Variants in BCO2 observed in about 807,000 individuals in gnomAD.
BCO2 encodes carotenoid-cleaving dioxygenase, mitochondrial.
BCO2 carries 56 observed loss-of-function variants against 65.8 expected under a neutral mutation model. The ratio of observed to expected loss-of-function variants is 0.85; its 90% CI spans 0.69 to 1.06. The LOEUF is 1.06. Ranked by LOEUF, BCO2 falls within the 50% of genes least tolerant of loss-of-function variation. The pLI is 0.00. For synonymous variants in BCO2, 233 were observed against 242.3 expected, an observed-to-expected ratio of 0.96 and a Z score of 0.36; for missense variants, 675 against 698.5, an observed-to-expected ratio of 0.97 and a Z score of 0.38.
At chr11:112,199,912 A>C in intron 6 of BCO2, 85 bp downstream of exon 6, 1 of 1,494,760 alleles carries the variant, frequency 6.7e-7, no homozygotes, top group Non-Finnish European at 9.2e-7. Context: ...ATGTTATGTT[A>C]ATAGTTTATC....
chr11:112,197,174 A>G (rs373018494), intron 5 of BCO2, among the ~76,000 whole-genome samples: 2 of 152,286 alleles, frequency 1.3e-5, no homozygotes, highest in East Asian at 3.9e-4. Context: ...CTCAGGAGAT[A>G]CTAACTCCAT....
chr11:112,175,967 A>G, intron 1 of BCO2: 1 of 322,988 alleles, frequency 3.1e-6, no homozygotes, highest in African/African-American at 2.1e-5. Flanking sequence ...TTGCAATAAG[A>G]AGAATATTCA....
At chr11:112,183,254 C>A (rs1333343878) in intron 2 of BCO2, 9 of 735,244 alleles carry the variant, frequency 1.2e-5, no homozygotes, top group Non-Finnish European at 2.2e-5. Context: ...ACTTTTCTTT[C>A]TCCATCCACT....
At chr11:112,204,312 A>G (rs898588473) in intron 8 of BCO2, among the ~76,000 whole-genome samples, 4 of 152,252 alleles carry the variant, frequency 2.6e-5, no homozygotes, top group Admixed American at 2.0e-4. Flanking sequence ...TCATCTGTCA[A>G]TGGGTATTTA....
chr11:112,181,610 T>C, intron 2 of BCO2: 1 of 766,688 alleles, frequency 1.3e-6, no homozygotes, highest in South Asian at 1.3e-5. Flanking sequence ...TTTTTTGGTA[T>C]TGACTCATTG....
At chr11:112,175,874 C>A in intron 1 of BCO2, 185 bp downstream of exon 1, 1 of 518,978 alleles carries the variant, frequency 1.9e-6, no homozygotes, top group Non-Finnish European at 3.5e-6. Flanking sequence ...ATTGTTTCCT[C>A]ATGGTCAGGG....
At chr11:112,212,202 T>C (rs961386470) in intron 8 of BCO2, among the ~76,000 whole-genome samples, 1 of 152,208 alleles carries the variant, frequency 6.6e-6, no homozygotes, top group Admixed American at 6.5e-5. Flanking sequence ...GAGAGGAAAA[T>C]GGGCTTAAAG....
chr11:112,200,512 A>T (rs780383559), intron 6 of BCO2, 101 bp from the exon 7 acceptor site: 5 of 1,003,248 alleles, frequency 5.0e-6, no homozygotes, highest in Admixed American at 2.5e-5. Flanking sequence ...TTAGGGCATC[A>T]GTAACGTGTC....
At position 112,179,420 on chromosome 11, in the gene BCO2, T is replaced by C; in HGVS notation, c.231T>C (p.Pro77=). ...GISARVWGHF[P]KWLNGSLLRI... ...CTGCTCGAGTCTGGGGACATTTTCC[T>C]AAGTGGCTCAATGGCTCTCTACTTC... Residue 77 remains proline, a synonymous_variant, in exon 2 of 12, where the codon CCT becomes CCC. Coordinates refer to ENST00000357685, the MANE Select transcript of BCO2 (RefSeq NM_031938.7). The C allele has an allele frequency of 6.2e-7, 1 of 1,614,224 alleles. No individual in the cohort carries two copies. The highest frequency in any genetic ancestry group is 8.5e-7 in the Non-Finnish European group (1 of 1,180,046).
Position 112,178,149 on chromosome 11 carries a change from A to G in BCO2, c.89-1129A>G, listed in dbSNP as rs913196730. On this transcript the variant is annotated intron_variant, in intron 1 of 11. Transcript: ENST00000357685. ...AGACAGGTCTCGAACTCCTGACCTC[A>G]GGTGATCCACCTGCCTTGGCCTCCC... Among the ~76,000 whole-genome samples the G allele has an allele frequency of 2.0e-5, 3 of 151,792 alleles. No homozygotes were observed. The South Asian group carries it at 6.2e-4, about 32-fold the overall frequency.
At chr11:112,183,909 A>G (rs1159300510) in intron 2 of BCO2, among the ~76,000 whole-genome samples, 1 of 152,232 alleles carries the variant, frequency 6.6e-6, no homozygotes, top group Non-Finnish European at 1.5e-5. Context: ...GGAAGAACTT[A>G]CCTATCACTA....
At chr11:112,200,571 G>A (rs12420140) in intron 6 of BCO2, 42 bp from the exon 7 acceptor site, 382,579 of 1,560,866 alleles carry the variant, frequency 0.25, 52,254 homozygotes, top group Non-Finnish European at 0.28. Flanking sequence ...GACAACTCTA[G>A]TTTGCCAAAT....
At chr11:112,202,567 A>T (rs1181005197) in intron 8 of BCO2, among the ~76,000 whole-genome samples, 2 of 152,104 alleles carry the variant, frequency 1.3e-5, no homozygotes, top group Non-Finnish European at 2.9e-5. Flanking sequence ...CAGGCATGAG[A>T]CACCATGCCT....
intron 2 of BCO2, among the ~76,000 whole-genome samples, chr11:112,182,283 G>A (rs1352047975): frequency 6.6e-6 from 1 of 152,188 alleles, no homozygotes; most frequent in Non-Finnish European, 1.5e-5. Flanking sequence ...CATTGTGGAA[G>A]ACAGTGTGGC....
Position 112,202,122 on chromosome 11 carries a change from G to A in BCO2, c.1126G>A (p.Asp376Asn). ...GCVIIDLCCQ[D>N]NGRTLEVYQL... ...TGTTATAATTGATTTGTGCTGTCAA[G>A]ATAATGGAAGAACCCTAGAAGTTTA... Residue 376 changes from aspartate (D) to asparagine (N), a missense_variant, in exon 8 of 12, where the codon GAT becomes AAT. By Grantham distance (23) the Asp-to-Asn change is conservative. Coordinates refer to ENST00000357685, the MANE Select transcript of BCO2 (RefSeq NM_031938.7). 6.2e-7 allele frequency: 1 copy of A among 1,614,004 alleles called. No homozygotes were observed. The highest frequency in any genetic ancestry group is 8.5e-7 in the Non-Finnish European group (1 of 1,179,956).
chr11:112,190,506 A>C (rs534035075), intron 2 of BCO2, among the ~76,000 whole-genome samples: 1 of 152,300 alleles, frequency 6.6e-6, no homozygotes, highest in South Asian at 2.1e-4. Flanking sequence ...ATCTCCATAG[A>C]TGTTGAAAAA....
chr11:112,199,329 G>T (rs1867666251), intron 5 of BCO2, among the ~76,000 whole-genome samples: 1 of 152,164 alleles, frequency 6.6e-6, no homozygotes. Flanking sequence ...TAGTGTATAT[G>T]TGGCAGATTT....
At chr11:112,214,024 G>A (rs972562866) in intron 9 of BCO2, among the ~76,000 whole-genome samples, 163 bp downstream of exon 9, 2 of 152,032 alleles carry the variant, frequency 1.3e-5, no homozygotes, top group African/African-American at 4.8e-5. Flanking sequence ...CAGAAACAGT[G>A]GGAATGAACA....
chr11:112,212,196 G>C (rs1328795709), intron 8 of BCO2, among the ~76,000 whole-genome samples: 1 of 152,176 alleles, frequency 6.6e-6, no homozygotes, highest in Non-Finnish European at 1.5e-5. Context: ...ATTTCAGAGA[G>C]GAAAATGGGC....
Sources: allele counts gnomAD v4.1 joint callset (sites outside exome capture counted in the v4.1 genomes callset), GRCh38; gene constraint gnomAD v4.1.1; transcripts MANE v1.5; gene names NCBI Gene and HGNC (gene_info 2026-07-23, HGNC 2026-07-21).